Variants in TRPM6 observed in about 807,000 individuals in gnomAD.
TRPM6 encodes channel kinase 2.
A neutral mutation model predicts 247.6 loss-of-function variants in TRPM6; 111 were observed. That is an observed-to-expected ratio of 0.45 (90% confidence interval 0.38 to 0.52). TRPM6 has a LOEUF of 0.52. Among genes scored for constraint, TRPM6 ranks in the 20% least tolerant of loss-of-function variants. The pLI is 0.00. For synonymous variants in TRPM6, 892 were observed against 853.8 expected, an observed-to-expected ratio of 1.04 and a Z score of -0.78; for missense variants, 2,126 against 2,421.5, an observed-to-expected ratio of 0.88 and a Z score of 2.56.
chr9:74,800,131 T>C (rs1343039282), intron 17 of TRPM6, 123 bp downstream of exon 17: 1 of 885,716 alleles, frequency 1.1e-6, no homozygotes, highest in East Asian at 2.6e-5. Context: ...AACCTCCAAA[T>C]GAGCTCTCAA....
intron 23 of TRPM6, among the ~76,000 whole-genome samples, chr9:74,779,462 A>T (rs114280378): frequency 0.027 from 4,118 of 152,240 alleles, 182 homozygotes; most frequent in African/African-American, 0.091. Context: ...CACAGCAGTC[A>T]CTTTTTTTTT....
chr9:74,737,366 C>T (rs988507434), intron 36 of TRPM6: 2 of 1,288,666 alleles, frequency 1.6e-6, no homozygotes, highest in Non-Finnish European at 2.0e-6. Flanking sequence ...GGACATTGCT[C>T]ATGATGCCCC....
chr9:74,867,357 T>G (rs1272179543), intron 1 of TRPM6, among the ~76,000 whole-genome samples: 2 of 152,154 alleles, frequency 1.3e-5, no homozygotes, highest in African/African-American at 4.8e-5. Context: ...TTGGACCACA[T>G]ACAGAGAACT....
Position 74,801,938 on chromosome 9 carries a change from T to C in TRPM6, c.1969A>G (p.Met657Val), listed in dbSNP as rs777868985. ...AACTCTTCTGAGGCATCATCCACCA[T>C]GTGACTCTCCTTAGCTTCATGGGCC... ...AMAHEAKESHMVDDASEELKN... is the reference protein window; with the variant it reads ...AMAHEAKESHVVDDASEELKN... Residue 657 changes from methionine (M) to valine (V), a missense_variant, in exon 16 of 39, where the codon ATG becomes GTG. Physicochemically the swap from Met to Val is conservative, Grantham distance 21. Coordinates refer to ENST00000360774, the MANE Select transcript of TRPM6 (RefSeq NM_017662.5). The C allele has an allele frequency of 3.1e-6, 5 of 1,614,236 alleles. No individual in the cohort carries two copies. The highest frequency in any genetic ancestry group is 3.3e-5 in the Admixed American group (2 of 60,034).
At chr9:74,780,383 G>A (rs1003281549) in intron 23 of TRPM6, among the ~76,000 whole-genome samples, 56 of 152,108 alleles carry the variant, frequency 3.7e-4, no homozygotes, top group Middle Eastern at 3.2e-3. Flanking sequence ...GAACCTGGGA[G>A]GCAGAGGTTG....
intron 13 of TRPM6, among the ~76,000 whole-genome samples, chr9:74,809,660 C>T (rs1444185946): frequency 6.6e-6 from 1 of 151,954 alleles, no homozygotes; most frequent in Non-Finnish European, 1.5e-5. Flanking sequence ...TACATGAGCA[C>T]GGACACTTTT....
intron 4 of TRPM6, among the ~76,000 whole-genome samples, chr9:74,840,827 TCAA>T (rs1564041873): frequency 1.6e-5 from 1 of 62,230 alleles, no homozygotes; most frequent in Non-Finnish European, 2.9e-5. Context: ...GGACTCTGTC[TCAA>T]AAAAAAAAAA....
At chr9:74,749,017 T>C (rs1229721904) in intron 30 of TRPM6, among the ~76,000 whole-genome samples, 1 of 152,192 alleles carries the variant, frequency 6.6e-6, no homozygotes, top group South Asian at 2.1e-4. Context: ...TGTACTTTTT[T>C]TGTGTTTAGT....
At chr9:74,817,071 A>G (rs969097214) in intron 9 of TRPM6, 107 bp from the exon 10 acceptor site, 15 of 1,048,804 alleles carry the variant, frequency 1.4e-5, no homozygotes, top group Non-Finnish European at 2.2e-5. Flanking sequence ...TGAGGAAAAC[A>G]TTCTTCTTTA....
rs1429448924 is a variant in TRPM6 at position 74,803,810 on chromosome 9, T to C, written c.1715A>G (p.Gln572Arg). The C allele has an allele frequency of 1.2e-6, 2 of 1,610,226 alleles. No homozygotes were observed. The highest frequency in any genetic ancestry group is 1.7e-6 in the Non-Finnish European group (2 of 1,176,502). Residue 572 changes from glutamine to arginine, a missense_variant, in exon 15 of 39, where the codon CAG becomes CGG. Coordinates refer to ENST00000360774, the MANE Select transcript of TRPM6 (RefSeq NM_017662.5). ...TLHSQFIRTA[Q>R]PYKFKEKSIV... is the part of the protein sequence containing the mutation. ...AAATGGTACCTTGAATTTGTATGGC[T>C]GTGCAGTTCTAATGAACTGGGAGTG...
At chr9:74,846,569 G>A (rs1412539868) in intron 3 of TRPM6, among the ~76,000 whole-genome samples, 1 of 151,848 alleles carries the variant, frequency 6.6e-6, no homozygotes, top group African/African-American at 2.4e-5. Flanking sequence ...GTGAAACAGA[G>A]TCTCTCTCTC....
intron 16 of TRPM6, among the ~76,000 whole-genome samples, chr9:74,801,362 T>C (rs1281875040): frequency 6.6e-6 from 1 of 150,654 alleles, no homozygotes; most frequent in Admixed American, 6.7e-5. Context: ...CCTGGGAATT[T>C]TTACATCAAA....
intron 1 of TRPM6, among the ~76,000 whole-genome samples, chr9:74,867,781 A>T (rs1830896853): frequency 6.6e-6 from 1 of 152,168 alleles, no homozygotes; most frequent in Non-Finnish European, 1.5e-5. Flanking sequence ...TAAAACATTG[A>T]AACCTCGAAA....
At chr9:74,743,023 A>G (rs1293533435) in intron 32 of TRPM6, among the ~76,000 whole-genome samples, 3 of 152,184 alleles carry the variant, frequency 2.0e-5, no homozygotes, top group Non-Finnish European at 4.4e-5. Flanking sequence ...TTCACTTTGC[A>G]CAGTTCATCT....
chr9:74,884,544 C>CATACATAT (rs1554743580), intron 1 of TRPM6, among the ~76,000 whole-genome samples: 5 of 151,574 alleles, frequency 3.3e-5, no homozygotes, highest in Admixed American at 6.6e-5. Flanking sequence ...TACATACATA[C>CATACATAT]GTATATAAAA....
chr9:74,852,617 G>C (rs138907742), intron 3 of TRPM6, among the ~76,000 whole-genome samples: 10 of 152,092 alleles, frequency 6.6e-5, no homozygotes, highest in African/African-American at 2.4e-4. Flanking sequence ...TCAGCCTGCC[G>C]AGTGCCTGGG....
At chr9:74,756,583 T>C (rs1448231007) in intron 27 of TRPM6, among the ~76,000 whole-genome samples, 1 of 151,316 alleles carries the variant, frequency 6.6e-6, no homozygotes, top group Non-Finnish European at 1.5e-5. Flanking sequence ...TGGTTCACAC[T>C]TGTAATTCCA....
chr9:74,728,279 T>C lies in TRPM6; in HGVS notation c.5895A>G (p.Lys1965=), dbSNP rs1178784325. The C allele has an allele frequency of 5.0e-6, 8 of 1,614,156 alleles. No homozygotes were observed. Among genetic ancestry groups the C allele is most frequent in the Non-Finnish European group, 5.9e-6 (7 of 1,180,014 alleles). ...TCCGGCAGCAGGAGTTACAATGATG[T>C]TTTGCAATGAAGTTTCTAATTGCAT... ...GEDAIRNFIA[K]HHCNSCCRKL... The change falls in exon 38 of 39, where the codon AAA becomes AAG. Residue 1965 remains lysine, a synonymous_variant. Coordinates refer to ENST00000360774, the MANE Select transcript of TRPM6 (RefSeq NM_017662.5).
intron 1 of TRPM6, among the ~76,000 whole-genome samples, chr9:74,862,436 G>T (rs957942573): frequency 1.3e-5 from 2 of 152,128 alleles, no homozygotes; most frequent in African/African-American, 4.8e-5. Context: ...ATTTAGGGGA[G>T]GGAAAGGCAA....
Sources: gnomAD v4.1 joint callset for allele counts (sites outside exome capture counted in the v4.1 genomes callset) on GRCh38, gnomAD v4.1.1 for gene constraint, MANE v1.5 for transcripts, NCBI Gene and HGNC (gene_info 2026-07-23, HGNC 2026-07-21) for gene names.